The following WNK2 variants were observed in gnomAD, a reference collection of about 807,000 sequenced individuals.
WNK2 encodes WNK lysine deficient protein kinase 2.
Under a neutral mutation model 192.1 loss-of-function variants are expected in WNK2, and 67 were observed. The observed-to-expected ratio is 0.35, with a 90% CI of 0.29 to 0.43. The LOEUF is 0.43. Among genes scored for constraint, WNK2 ranks in the 20% least tolerant of loss-of-function variants. The pLI is 1.00. For missense variants in WNK2, 2,698 were observed against 3,089.7 expected, an observed-to-expected ratio of 0.87 and a Z score of 3.01; for synonymous variants, 1,439 against 1,393.9, an observed-to-expected ratio of 1.03 and a Z score of -0.72.
Position 93,293,149 on chromosome 9 carries a change from A to G in WNK2, c.5684A>G (p.Lys1895Arg). 6.5e-7 allele frequency: 1 copy of G among 1,547,194 alleles called. No homozygotes were observed. Reference sequence around the variant, plus strand: ...GAGCTCGAGGATGCTGACATAAAGAAGGAGCTGCAGAGTCTGCGGGAGAAG... The same window carrying G: ...GAGCTCGAGGATGCTGACATAAAGAGGGAGCTGCAGAGTCTGCGGGAGAAG... Reference protein sequence around the residue: ...DSELEDADIKKELQSLREKHL... With the variant: ...DSELEDADIKRELQSLREKHL... The change falls in exon 23 of 30, where the codon AAG (lysine) becomes AGG (arginine). Residue 1895 changes from lysine (K) to arginine (R), a missense_variant. Around this residue, in one of 7 missense-constraint regions of WNK2, gnomAD observed 1,098 missense variants for 1,101.0 expected, o/e 1.00. Transcript: ENST00000427277.
intron 2 of WNK2, among the ~76,000 whole-genome samples, chr9:93,202,805 A>G (rs999190954): frequency 6.6e-6 from 1 of 152,032 alleles, no homozygotes; most frequent in Non-Finnish European, 1.5e-5. Flanking sequence ...GGGCAGGGAC[A>G]CTGAGGCACA....
intron 28 of WNK2, chr9:93,317,187 G>A (rs1449054656): frequency 9.3e-6 from 4 of 429,810 alleles, no homozygotes; most frequent in South Asian, 5.0e-5. Context: ...AGGGCTTTGT[G>A]GTGGCTGAGT....
chr9:93,204,131 T>C (rs1266426922), intron 2 of WNK2, among the ~76,000 whole-genome samples: 1 of 152,070 alleles, frequency 6.6e-6, no homozygotes, highest in Non-Finnish European at 1.5e-5. Context: ...GGAGGTGTTT[T>C]AACTGCCTGC....
intron 15 of WNK2, 91 bp from the exon 16 acceptor site, chr9:93,263,826 G>GT (rs1295393391): frequency 5.4e-6 from 3 of 554,020 alleles, no homozygotes; most frequent in Non-Finnish European, 8.9e-6. Flanking sequence ...TGTGGTGGGG[G>GT]TGGGGGGGAG....
chr9:93,265,090 G>A (rs992780921), intron 16 of WNK2, among the ~76,000 whole-genome samples: 1 of 152,248 alleles, frequency 6.6e-6, no homozygotes, highest in Admixed American at 6.5e-5. Flanking sequence ...AGCCCTCCCA[G>A]ATCCCAGGTC....
intron 5 of WNK2, among the ~76,000 whole-genome samples, chr9:93,237,079 T>C (rs1459867626): frequency 6.6e-6 from 1 of 152,184 alleles, no homozygotes; most frequent in African/African-American, 2.4e-5. Context: ...AAGAAGGTTC[T>C]GAATGGTAGG....
At position 93,259,133 on chromosome 9, in the gene WNK2, C is replaced by A; in HGVS notation, c.2585C>A (p.Pro862His). Residue 862 changes from proline to histidine, a missense_variant, in exon 12 of 30, where the codon CCC becomes CAC. Physicochemically the swap from Pro to His is moderately conservative, Grantham distance 77 (BLOSUM62 -2). This residue lies in a region of WNK2 where 893 missense variants were observed against 909.0 expected (regional missense o/e 0.98). Transcript: ENST00000427277. This position sits in a 1 kb window ranked among gnomAD's most constrained non-coding sequence, Gnocchi z 4.8. ...TTGCCTCTGCAGGCTGTGAAGCTGC[C>A]CCACCCCCCTGGGGCGCCCCTGGCC... ...PALPLQAVKL[P>H]HPPGAPLAMP... 6 of 1,611,808 alleles carry A rather than the reference C, an allele frequency of 3.7e-6. No homozygotes were observed. Among genetic ancestry groups the A allele is most frequent in the Non-Finnish European group, 5.1e-6 (6 of 1,179,278 alleles).
chr9:93,234,029 G>T (rs1028518435), intron 4 of WNK2, among the ~76,000 whole-genome samples: 1 of 152,100 alleles, frequency 6.6e-6, no homozygotes, highest in Admixed American at 6.5e-5. Flanking sequence ...ATCAGCCCTC[G>T]CCCCCTGCAG....
At chr9:93,306,900 G>A (rs961943217) in intron 27 of WNK2, 79 bp downstream of exon 27, 26 of 1,593,210 alleles carry the variant, frequency 1.6e-5, no homozygotes, top group East Asian at 4.5e-5. Context: ...CAGGGTTCCC[G>A]CGGCCGGGCG....
chr9:93,226,937 T>C (rs1837918289), intron 2 of WNK2, among the ~76,000 whole-genome samples: 1 of 152,134 alleles, frequency 6.6e-6, no homozygotes, highest in African/African-American at 2.4e-5. Context: ...CAAGTCCATC[T>C]TTTATGGACT....
At chr9:93,256,047 T>C (rs966075135) in intron 9 of WNK2, among the ~76,000 whole-genome samples, 2 of 152,080 alleles carry the variant, frequency 1.3e-5, no homozygotes, top group East Asian at 3.9e-4. Context: ...CTGGCCTTTT[T>C]TGTGGTTGTG....
At chr9:93,307,940 C>T (rs1234170509) in intron 27 of WNK2, 3 of 233,634 alleles carry the variant, frequency 1.3e-5, no homozygotes, top group African/African-American at 4.6e-5. Flanking sequence ...GCCCGAGGAA[C>T]CTGACTCTAG....
intron 2 of WNK2, among the ~76,000 whole-genome samples, chr9:93,187,697 A>G (rs1312770716): frequency 2.0e-5 from 3 of 152,124 alleles, no homozygotes; most frequent in Non-Finnish European, 4.4e-5. Context: ...TTGTGGGATC[A>G]GGGGAGGAGG....
intron 24 of WNK2, among the ~76,000 whole-genome samples, chr9:93,298,482 A>G (rs1473288987): frequency 2.6e-5 from 4 of 152,120 alleles, no homozygotes; most frequent in Admixed American, 6.5e-5. Flanking sequence ...GAGGACGGTG[A>G]TGATCTCCCA....
chr9:93,225,901 T>TTTG (rs1837723207), intron 2 of WNK2, among the ~76,000 whole-genome samples: 3 of 124,548 alleles, frequency 2.4e-5, no homozygotes, highest in African/African-American at 9.7e-5. Context: ...GGTGCATGTC[T>TTTG]TTCTGTTGTG....
chr9:93,205,299 G>A (rs1481515088), intron 2 of WNK2, among the ~76,000 whole-genome samples: 1 of 152,210 alleles, frequency 6.6e-6, no homozygotes, highest in African/African-American at 2.4e-5. Flanking sequence ...GTGAGCAGAC[G>A]GCCACTGTGT....
chr9:93,274,506 C>A, intron 19 of WNK2, among the ~76,000 whole-genome samples: 1 of 134,642 alleles, frequency 7.4e-6, no homozygotes, highest in Non-Finnish European at 1.5e-5. Flanking sequence ...TGCAAGGCTC[C>A]GTCTCAACCA....
In WNK2 at chr9:93,184,397, G is replaced by T. The variant is rs1322497718; in HGVS notation, c.-3+12G>T. Among the ~76,000 whole-genome samples the T allele has an allele frequency of 2.0e-5, 3 of 151,284 alleles. No individual in the cohort carries two copies. The highest frequency in any genetic ancestry group is 4.4e-5 in the Non-Finnish European group (3 of 67,746). On this transcript the variant is annotated intron_variant, in intron 1 of 29. Transcript: ENST00000427277. Reference sequence around the variant, plus strand: ...CGTCCGCTCGCCCTGTGAGTGCCGAGCCTCCCCTCAACGCCGCTCGCCGCC... The same window carrying T: ...CGTCCGCTCGCCCTGTGAGTGCCGATCCTCCCCTCAACGCCGCTCGCCGCC...
At chr9:93,231,552 T>C (rs1838808749) in intron 4 of WNK2, among the ~76,000 whole-genome samples, 1 of 152,138 alleles carries the variant, frequency 6.6e-6, no homozygotes, top group Admixed American at 6.5e-5. Context: ...CTTGGGAGGT[T>C]TGTGGCCAGT....
Sources: gnomAD v4.1 joint callset for allele counts (sites outside exome capture counted in the v4.1 genomes callset) on GRCh38, gnomAD v4.1.1 for gene constraint, gnomAD v4.1.1 regional missense constraint, Gnocchi (gnomAD v3.1) non-coding constraint, MANE v1.5 for transcripts, NCBI Gene and HGNC (gene_info 2026-07-23, HGNC 2026-07-21) for gene names.